Variants in PLEKHG1 observed in about 807,000 individuals in gnomAD.
PLEKHG1 encodes the protein pleckstrin homology and RhoGEF domain containing G1, also known as pleckstrin homology domain-containing family G member 1.
Under a neutral mutation model 100.8 loss-of-function variants are expected in PLEKHG1, and 44 were observed. The observed-to-expected ratio is 0.44, with a 90% CI of 0.34 to 0.56. The LOEUF (loss-of-function observed/expected upper bound fraction) is 0.56. Among genes scored for constraint, PLEKHG1 ranks in the 20% least tolerant of loss-of-function variants. The probability of loss-of-function intolerance (pLI) is 0.01; values close to 1 mark genes in which losing one functional copy is unlikely to be tolerated. For synonymous variants in PLEKHG1, 640 were observed against 662.5 expected (o/e 0.97, Z 0.52); for missense variants, 1,545 against 1,720.9 (o/e 0.90, Z 1.81).
chr6:150,795,732 A>C (rs1002989559), intron 4 of PLEKHG1, 124 bp from the exon 6 acceptor site: 4 of 405,596 alleles, frequency 9.9e-6, no homozygotes, highest in African/African-American at 4.3e-5. Flanking sequence ...AAAAAAAAAA[A>C]CAAAAAACAT....
Position 150,629,755 on chromosome 6 carries a change from G to A in PLEKHG1, c.-203-8325G>A, listed in dbSNP as rs1013139884. 2.0e-5 allele frequency among the ~76,000 whole-genome samples: 3 copies of A among 152,194 alleles called. No homozygotes were observed. In the South Asian group the frequency reaches 6.2e-4, roughly 32 times the overall value. Reference sequence around the variant, plus strand: ...ATTACAGGCGTGAGCCACTGCACCTGGCTGAATCATCCATTTTTTAAAAAT... The same window carrying A: ...ATTACAGGCGTGAGCCACTGCACCTAGCTGAATCATCCATTTTTTAAAAAT... On this transcript the variant is annotated intron_variant, in intron 1 of 3. Coordinates refer to the PLEKHG1 transcript ENST00000367326.
intron 1 of PLEKHG1, among the ~76,000 whole-genome samples, chr6:150,732,748 G>A (rs906009969): frequency 6.6e-6 from 1 of 152,192 alleles, no homozygotes; most frequent in Admixed American, 6.5e-5. Flanking sequence ...TTCCCGAGTA[G>A]CTAATTTTTG....
chr6:150,811,999 G>C (rs1411279333), intron 10 of PLEKHG1, among the ~76,000 whole-genome samples: 2 of 152,182 alleles, frequency 1.3e-5, no homozygotes, highest in Non-Finnish European at 2.9e-5. Context: ...CAGCGACAGA[G>C]GGAACAAATG....
chr6:150,832,234 C>G (rs1474567387), intron 15 of PLEKHG1, 29 bp downstream of exon 16: 1 of 1,522,984 alleles, frequency 6.6e-7, no homozygotes, highest in Non-Finnish European at 8.8e-7. Context: ...TCTTCCTTCT[C>G]CAAAGTAAGA....
chr6:150,730,571 G>A (rs1286221301), intron 1 of PLEKHG1, among the ~76,000 whole-genome samples: 2 of 152,084 alleles, frequency 1.3e-5, no homozygotes, highest in Non-Finnish European at 2.9e-5. Context: ...CTTGGTTCCT[G>A]ACAGGCCGTG....
rs77516240 is a variant in PLEKHG1 at position 150,645,027 on chromosome 6, G to A, written c.-157-5701G>A. On this transcript the variant is annotated intron_variant, in intron 2 of 3. Coordinates refer to the PLEKHG1 transcript ENST00000367326. ...TATACAGAACAAAGATTCATAAGTA[G>A]CCAAAATAATTCTGAAGAAACACAT... is the stretch of plus-strand genomic sequence containing the variant. Among the ~76,000 whole-genome samples, 5 of 152,162 alleles carry A rather than the reference G, an allele frequency of 3.3e-5. No homozygotes were observed. In the East Asian group the frequency reaches 9.6e-4, roughly 29 times the overall value.
At chr6:150,699,129 C>A (rs1389284689) in intron 3 of PLEKHG1, among the ~76,000 whole-genome samples, 1 of 152,184 alleles carries the variant, frequency 6.6e-6, no homozygotes, top group East Asian at 1.9e-4. Context: ...TGTTATTATA[C>A]TACAGGTATG....
intron 10 of PLEKHG1, among the ~76,000 whole-genome samples, chr6:150,812,824 G>A (rs1053522942): frequency 3.3e-5 from 5 of 152,068 alleles, no homozygotes; most frequent in African/African-American, 7.2e-5. Flanking sequence ...AGGAATAGGG[G>A]CTCATCTTGG....
At chr6:150,660,741 G>T (rs1386031472) in intron 3 of PLEKHG1, among the ~76,000 whole-genome samples, 2 of 152,230 alleles carry the variant, frequency 1.3e-5, no homozygotes, top group East Asian at 3.8e-4. Flanking sequence ...ATTGGTGAAA[G>T]AAAAATTATT....
rs143964409 is a variant in PLEKHG1 at position 150,611,753 on chromosome 6, A to G, written c.-204+11736A>G. 5.0e-3 allele frequency among the ~76,000 whole-genome samples: 749 copies of G among 150,560 alleles called. 8 individuals carry two copies. Among genetic ancestry groups the G allele is most frequent in the African/African-American group, 0.018 (721 of 41,160 alleles). ...CTTCAACTCGGTAGGCGGAGGTTGC[A>G]GTGAGTGGAAATTGCACCACTGCAC... On this transcript the variant is annotated intron_variant, in intron 1 of 3. Transcript: ENST00000367326.
intron 3 of PLEKHG1, among the ~76,000 whole-genome samples, chr6:150,701,461 A>ATATG (rs1184893663): frequency 3.9e-4 from 33 of 85,504 alleles, no homozygotes; most frequent in Non-Finnish European, 5.8e-4. Flanking sequence ...ATATATATAT[A>ATATG]TATATAATTA....
chr6:150,636,001 A>C (rs1309702207), intron 1 of PLEKHG1, among the ~76,000 whole-genome samples: 1 of 152,160 alleles, frequency 6.6e-6, no homozygotes, highest in Non-Finnish European at 1.5e-5. Context: ...TTGGGTGTTA[A>C]CAGAGGCATT....
chr6:150,621,614 A>G (rs1324594146), intron 1 of PLEKHG1, among the ~76,000 whole-genome samples: 3 of 152,094 alleles, frequency 2.0e-5, no homozygotes, highest in Admixed American at 2.0e-4. Context: ...ACCTCAAGTG[A>G]TCCTCCAGCC....
Position 150,693,931 on chromosome 6 carries a change from G to A in PLEKHG1, c.-98-39653G>A, listed in dbSNP as rs937037071. ...TTCAAGAGAATGGAAGCTGTGTCGC[G>A]TGATAGTTTAGAAGTCATTCCCAGC... On this transcript the variant is annotated intron_variant, in intron 3 of 3. Transcript: ENST00000367326. 4.6e-5 allele frequency among the ~76,000 whole-genome samples: 7 copies of A among 152,166 alleles called. No homozygotes were observed. In the East Asian group the frequency reaches 9.6e-4, roughly 21 times the overall value.
Position 150,704,074 on chromosome 6 carries a change from C to T in PLEKHG1, c.-98-29510C>T, listed in dbSNP as rs192730683. 4.0e-3 allele frequency among the ~76,000 whole-genome samples: 604 copies of T among 152,064 alleles called. 2 individuals are homozygous for T. The highest frequency in any genetic ancestry group is 0.013 in the African/African-American group (545 of 41,532). ...TAACAACTTTATCGGTGCTGAGTTT[C>T]GGAGTTGAAAGTATCCTCAATGGTT... is the stretch of plus-strand genomic sequence containing the variant. On this transcript the variant is annotated intron_variant, in intron 3 of 3. Transcript: ENST00000367326.
intron 2 of PLEKHG1, among the ~76,000 whole-genome samples, chr6:150,767,909 C>A (rs1387813034): frequency 1.3e-5 from 2 of 152,064 alleles, no homozygotes; most frequent in Admixed American, 6.6e-5. Context: ...TCAAGTCTTG[C>A]TAGGGAAAGG....
chr6:150,697,538 TC>T (rs1416632654), intron 3 of PLEKHG1, among the ~76,000 whole-genome samples: 1 of 152,094 alleles, frequency 6.6e-6, no homozygotes, highest in Non-Finnish European at 1.5e-5. Flanking sequence ...TGAACAAGCT[TC>T]TCCTAATTGA....
chr6:150,839,175 C>T (rs1008649951), intron 15 of PLEKHG1, among the ~76,000 whole-genome samples: 1 of 152,138 alleles, frequency 6.6e-6, no homozygotes, highest in Non-Finnish European at 1.5e-5. Flanking sequence ...AGTGCAGTGG[C>T]ATGATCTTGG....
At chr6:150,828,186 A>C in intron 14 of PLEKHG1, 2 of 1,613,896 alleles carry the variant, frequency 1.2e-6, no homozygotes, top group Non-Finnish European at 1.7e-6. Context: ...AGGAGATATC[A>C]AGGCTCAGTT....
Sources: gnomAD v4.1 joint callset for allele counts (sites outside exome capture counted in the v4.1 genomes callset) on GRCh38, gnomAD v4.1.1 for gene constraint, MANE v1.5 for transcripts, NCBI Gene and HGNC (gene_info 2026-07-23, HGNC 2026-07-21) for gene names.